DOCK8: variants seen among roughly 807,000 people sequenced by gnomAD.
DOCK8 encodes dedicator of cytokinesis 8.
Under a neutral mutation model 245.6 loss-of-function variants are expected in DOCK8, and 141 were observed. That is an observed-to-expected ratio of 0.57 (90% CI 0.50 to 0.66). The LOEUF (loss-of-function observed/expected upper bound fraction) is 0.66. Among genes scored for constraint, DOCK8 ranks in the 30% least tolerant of loss-of-function variants. The pLI is 0.00. For missense variants in DOCK8, 2,965 were observed against 2,603.4 expected, an observed-to-expected ratio of 1.14 and a Z score of -3.02; for synonymous variants, 1,168 against 970.2, an observed-to-expected ratio of 1.20 and a Z score of -3.79.
At chr9:231,376 G>T (rs879749025) in intron 1 of DOCK8, among the ~76,000 whole-genome samples, 5 of 152,134 alleles carry the variant, frequency 3.3e-5, no homozygotes, top group African/African-American at 1.2e-4. Flanking sequence ...GATTGACTTG[G>T]TGATGCAGGC....
rs914174756 is a variant in DOCK8 at position 408,355 on chromosome 9, A to C, written c.3530+1286A>C. Among the ~76,000 whole-genome samples, 6 of 152,278 alleles carry C rather than the reference A, an allele frequency of 3.9e-5. No homozygotes were observed. The East Asian group carries it at 9.6e-4, about 24-fold the overall frequency. ...CGTCTCCTGGCAGGATAGTGTGGGG[A>C]ATCTCATGCTTTTAGCTCTCAATTC... On this transcript the variant is annotated intron_variant, in intron 28 of 47. Coordinates refer to ENST00000432829, the MANE Select transcript of DOCK8 (RefSeq NM_203447.4).
At chr9:237,070 G>C (rs148646160) in intron 1 of DOCK8, among the ~76,000 whole-genome samples, 166 of 152,312 alleles carry the variant, frequency 1.1e-3, no homozygotes, top group Admixed American at 4.3e-3. Context: ...CAAGTCTTTG[G>C]GGGGACAGCT....
chr9:418,230 G>A lies in DOCK8; in HGVS notation c.3840+23G>A, dbSNP rs573537214. 50 of 1,613,868 alleles carry A rather than the reference G, an allele frequency of 3.1e-5. No individual in the cohort carries two copies. In the South Asian group the frequency reaches 5.4e-4, roughly 17 times the overall value. On this transcript the variant is annotated intron_variant, in intron 30 of 47. Coordinates refer to ENST00000432829, the MANE Select transcript of DOCK8 (RefSeq NM_203447.4). ...TTGGTATGTTGGTGCACATGTGTCT[G>A]GTTGATTTTTCATTTCATGTCTTCT...
Position 439,225 on chromosome 9 carries a change from T to A in DOCK8, c.5080-20T>A, listed in dbSNP as rs367958461. 2.0e-5 allele frequency: 33 copies of A among 1,614,038 alleles called. No individual in the cohort carries two copies. The East Asian group carries it at 6.5e-4, about 32-fold the overall frequency. On this transcript the variant is annotated intron_variant, in intron 39 of 47. Transcript: ENST00000432829. ...GTCTGGTCGCCCTGTTCTCCAGGCT[T>A]ATACTGTGGTCTCTTTCAGAATATT...
intron 2 of DOCK8, among the ~76,000 whole-genome samples, chr9:286,129 C>T (rs748482824): frequency 3.9e-5 from 6 of 152,036 alleles, no homozygotes; most frequent in South Asian, 2.1e-4. Flanking sequence ...AGAGCCTTTG[C>T]GGGAGAAATT....
intron 4 of DOCK8, among the ~76,000 whole-genome samples, chr9:295,091 C>T (rs996641655): frequency 2.6e-5 from 4 of 151,236 alleles, no homozygotes; most frequent in Non-Finnish European, 5.9e-5. Flanking sequence ...ACCTGGGAGG[C>T]GGAGGTTGCA....
intron 4 of DOCK8, among the ~76,000 whole-genome samples, chr9:298,329 A>G (rs1586632540): frequency 6.6e-6 from 1 of 152,104 alleles, no homozygotes. Flanking sequence ...AGAGGCTGAG[A>G]CAGGAGAATT....
intron 5 of DOCK8, among the ~76,000 whole-genome samples, chr9:306,121 G>A (rs1162951371): frequency 6.6e-6 from 1 of 152,178 alleles, no homozygotes; most frequent in African/African-American, 2.4e-5. Flanking sequence ...GTTCAAGTTT[G>A]CACAGAACTT....
chr9:343,571 A>C (rs1382161231), intron 14 of DOCK8, among the ~76,000 whole-genome samples: 1 of 152,168 alleles, frequency 6.6e-6, no homozygotes, highest in Non-Finnish European at 1.5e-5. Context: ...TCTTCTTTAC[A>C]GTATTCAGGA....
intron 34 of DOCK8, among the ~76,000 whole-genome samples, chr9:427,387 C>G (rs2056540770): frequency 6.6e-6 from 1 of 152,154 alleles, no homozygotes; most frequent in Non-Finnish European, 1.5e-5. Flanking sequence ...ATGATTATGA[C>G]TAGGCTAGGT....
At position 367,908 on chromosome 9, in the gene DOCK8, ACTT is replaced by A. The variant is rs1047968885; in HGVS notation, c.1680-106_1680-104del. 7 of 861,708 alleles carry A rather than the reference ACTT, an allele frequency of 8.1e-6. No homozygotes were observed. The African/African-American group carries it at 1.2e-4, about 14-fold the overall frequency. The allele number at this position is 861,708 out of a possible 1,614,324, so 53.4% of individuals were successfully genotyped here. A position where few individuals can be genotyped will look rare whatever the true frequency, so the allele number is the denominator to read the frequency against. The stretch of plus-strand genomic sequence containing the variant: ...TAATAATTCACTTCTGAGAGGAAAA[ACTT>A]CTTTGGAAAAAGCACCCCATGAATG... On this transcript the variant is annotated intron_variant, in intron 14 of 47. Coordinates refer to ENST00000432829, the MANE Select transcript of DOCK8 (RefSeq NM_203447.4).
chr9:383,039 G>C (rs752775508), intron 22 of DOCK8, among the ~76,000 whole-genome samples: 10 of 150,276 alleles, frequency 6.7e-5, no homozygotes, highest in African/African-American at 9.8e-5. Flanking sequence ...CTTTAATTTA[G>C]TTTTGTTTCT....
At chr9:244,091 G>A (rs923415718) in intron 1 of DOCK8, among the ~76,000 whole-genome samples, 1 of 151,556 alleles carries the variant, frequency 6.6e-6, no homozygotes, top group Admixed American at 6.6e-5. Flanking sequence ...TGGAGGCTGA[G>A]GCAGGAGAAT....
intron 4 of DOCK8, among the ~76,000 whole-genome samples, chr9:299,463 A>G (rs967997520): frequency 6.6e-6 from 1 of 152,026 alleles, no homozygotes; most frequent in Non-Finnish European, 1.5e-5. Flanking sequence ...CGGTTTCACC[A>G]TGTCACCCAG....
At chr9:223,504 G>A (rs1296985847) in intron 1 of DOCK8, among the ~76,000 whole-genome samples, 3 of 152,036 alleles carry the variant, frequency 2.0e-5, no homozygotes, top group Non-Finnish European at 4.4e-5. Flanking sequence ...ATTCCTCTCT[G>A]GGGTCATGCC....
chr9:425,499 T>G (rs993218962), intron 33 of DOCK8, among the ~76,000 whole-genome samples: 1 of 133,786 alleles, frequency 7.5e-6, no homozygotes, highest in African/African-American at 3.5e-5. Flanking sequence ...GCCACTGCAC[T>G]CTGCACTCCA....
At chr9:289,635 G>A (rs1160506034) in intron 4 of DOCK8, 54 bp downstream of exon 4, 4 of 1,440,832 alleles carry the variant, frequency 2.8e-6, no homozygotes, top group African/African-American at 1.4e-5. Context: ...TATATTGCTA[G>A]TTTTTAAATA....
At chr9:428,147 A>G (rs2056567982) in intron 34 of DOCK8, among the ~76,000 whole-genome samples, 1 of 152,252 alleles carries the variant, frequency 6.6e-6, no homozygotes, top group Admixed American at 6.5e-5. Context: ...AGAATTAGGT[A>G]TAAATCCCAA....
At chr9:281,913 C>T (rs147274966) in intron 2 of DOCK8, among the ~76,000 whole-genome samples, 3 of 152,216 alleles carry the variant, frequency 2.0e-5, no homozygotes, top group Middle Eastern at 6.8e-3. Context: ...ACGAACTATT[C>T]AATGTCAGCT....
Sources: gnomAD v4.1 joint callset for allele counts (sites outside exome capture counted in the v4.1 genomes callset) on GRCh38, gnomAD v4.1.1 for gene constraint, MANE v1.5 for transcripts, NCBI Gene and HGNC (gene_info 2026-07-23, HGNC 2026-07-21) for gene names.